PPP1R14C: variants seen among roughly 807,000 people sequenced by gnomAD.
PPP1R14C encodes the protein protein phosphatase 1 regulatory inhibitor subunit 14C, also known as protein phosphatase 1 regulatory subunit 14C.
PPP1R14C carries 16 observed loss-of-function variants against 20.4 expected under a neutral mutation model. The ratio of observed to expected loss-of-function variants is 0.78; its 90% CI spans 0.53 to 1.19. PPP1R14C has a LOEUF of 1.19. PPP1R14C is among the 50% of genes most tolerant of loss of function. The probability of loss-of-function intolerance (pLI) is 0.00; values close to 1 mark genes in which losing one functional copy is unlikely to be tolerated. For missense variants in PPP1R14C, 211 were observed against 220.1 expected (o/e 0.96, Z 0.26); for synonymous variants, 91 against 91.0 (o/e 1.00, Z 0.00).
chr6:150,224,226 C>A (rs932958218), intron 3 of PPP1R14C, among the ~76,000 whole-genome samples: 2 of 152,182 alleles, frequency 1.3e-5, no homozygotes, highest in African/African-American at 4.8e-5. Flanking sequence ...TTCACCAATA[C>A]CACACTGTCC....
At chr6:150,158,188 A>G (rs78415080) in intron 1 of PPP1R14C, among the ~76,000 whole-genome samples, 3,012 of 152,360 alleles carry the variant, frequency 0.02, 38 homozygotes, top group Non-Finnish European at 0.028. Flanking sequence ...CAGAATATTT[A>G]TGAAAGTATT....
intron 3 of PPP1R14C, among the ~76,000 whole-genome samples, chr6:150,236,409 G>A (rs1778360868): frequency 6.6e-6 from 1 of 152,306 alleles, no homozygotes; most frequent in Admixed American, 6.5e-5. Context: ...AAAGGTCCAT[G>A]CGGTGCATTC....
intron 1 of PPP1R14C, among the ~76,000 whole-genome samples, chr6:150,191,079 A>G (rs1163961801): frequency 1.3e-5 from 2 of 151,950 alleles, no homozygotes; most frequent in Non-Finnish European, 2.9e-5. Context: ...CTTGGTCCTC[A>G]CATGTTTTCT....
At chr6:150,217,035 T>C (rs1270711266) in intron 3 of PPP1R14C, among the ~76,000 whole-genome samples, 179 bp downstream of exon 3, 1 of 152,224 alleles carries the variant, frequency 6.6e-6, no homozygotes, top group Non-Finnish European at 1.5e-5. Flanking sequence ...AGCCTAAACA[T>C]GTCTAGTTCA....
rs1777133248 is a variant in PPP1R14C at position 150,143,118 on chromosome 6, G to A, written c.-75G>A. On this transcript the variant is annotated 5_prime_UTR_variant, in exon 1 of 4. Coordinates refer to ENST00000361131, the MANE Select transcript of PPP1R14C (RefSeq NM_030949.3). The surrounding 1 kb of genome is among the most constrained non-coding windows in gnomAD (Gnocchi z 5.6). Reference sequence around the variant, plus strand: ...GCCCTTCGCATGCGGCTGCCGGGCCGGAGGTGGTAGCGGCGCCGGGCGCGC... The same window carrying A: ...GCCCTTCGCATGCGGCTGCCGGGCCAGAGGTGGTAGCGGCGCCGGGCGCGC... 1 of 1,168,274 alleles carries A rather than the reference G, an allele frequency of 8.6e-7. No individual in the cohort carries two copies. The highest frequency in any genetic ancestry group is 1.1e-6 in the Non-Finnish European group (1 of 950,824). The allele number at this position is 1,168,274 out of a possible 1,614,324, so 72.4% of individuals were successfully genotyped here.
intron 3 of PPP1R14C, among the ~76,000 whole-genome samples, chr6:150,246,241 G>A (rs1778489883): frequency 1.3e-5 from 2 of 151,768 alleles, no homozygotes; most frequent in African/African-American, 4.8e-5. Context: ...TTAAAATAGT[G>A]CAGAAAAATT....
At chr6:150,146,013 TTCTG>T (rs1282621848) in intron 1 of PPP1R14C, among the ~76,000 whole-genome samples, 1 of 152,178 alleles carries the variant, frequency 6.6e-6, no homozygotes, top group Non-Finnish European at 1.5e-5. Context: ...CAGAACCACT[TTCTG>T]TCTGTGTTTT....
At chr6:150,199,774 C>G (rs1777853802) in intron 1 of PPP1R14C, among the ~76,000 whole-genome samples, 1 of 151,606 alleles carries the variant, frequency 6.6e-6, no homozygotes, top group South Asian at 2.1e-4. Flanking sequence ...TAGGTTGAGG[C>G]AGGAGGATCG....
intron 1 of PPP1R14C, among the ~76,000 whole-genome samples, chr6:150,200,458 T>C (rs910534): frequency 0.43 from 66,066 of 151,892 alleles, 14,491 homozygotes; most frequent in Admixed American, 0.47. Flanking sequence ...GACTTAGGTT[T>C]GTCCTCACCC....
At chr6:150,178,442 C>T (rs928167497) in intron 1 of PPP1R14C, among the ~76,000 whole-genome samples, 2 of 152,284 alleles carry the variant, frequency 1.3e-5, no homozygotes, top group Admixed American at 1.3e-4. Flanking sequence ...GAGAGGAGGG[C>T]GGTCACAGCA....
At chr6:150,154,599 GAGAAAT>G (rs1178498057) in intron 1 of PPP1R14C, among the ~76,000 whole-genome samples, 2 of 152,166 alleles carry the variant, frequency 1.3e-5, no homozygotes, top group African/African-American at 2.4e-5. Flanking sequence ...TTGAAAGCAG[GAGAAAT>G]AGAAGTGTCT....
Position 150,249,254 on chromosome 6 carries a change from A to G in PPP1R14C, c.*434A>G. The G allele has an allele frequency of 2.5e-6, 1 of 399,480 alleles. No individual in the cohort carries two copies. Among genetic ancestry groups the G allele is most frequent in the Non-Finnish European group, 4.4e-6 (1 of 226,570 alleles). The allele number at this position is 399,480 out of a possible 1,614,324, so 24.7% of individuals were successfully genotyped here. A position where few individuals can be genotyped will look rare whatever the true frequency, so the allele number is the denominator to read the frequency against. Reference sequence around the variant, plus strand: ...TGTCAAATTTCTCACACTTGTATATATCTACACACAACTAAGTTAAAATGT... The same window carrying G: ...TGTCAAATTTCTCACACTTGTATATGTCTACACACAACTAAGTTAAAATGT... On this transcript the variant is annotated 3_prime_UTR_variant, in exon 4 of 4. Coordinates refer to ENST00000361131, the MANE Select transcript of PPP1R14C (RefSeq NM_030949.3).
chr6:150,245,244 A>G (rs75747331), intron 3 of PPP1R14C, among the ~76,000 whole-genome samples: 4,436 of 152,238 alleles, frequency 0.029, 202 homozygotes, highest in African/African-American at 0.1. Flanking sequence ...CTCTAAGCCC[A>G]TGGCATCTCT....
intron 1 of PPP1R14C, among the ~76,000 whole-genome samples, chr6:150,184,296 T>G (rs575041486): frequency 6.6e-6 from 1 of 152,280 alleles, no homozygotes; most frequent in East Asian, 1.9e-4. Flanking sequence ...CCACCTCCTC[T>G]TGCTCCTAGG....
Position 150,156,049 on chromosome 6 carries a change from AAAAG to A in PPP1R14C, c.306+12563_306+12566del, listed in dbSNP as rs1372007665. 1.6e-3 allele frequency among the ~76,000 whole-genome samples: 232 copies of A among 149,604 alleles called. 2 individuals carry two copies. The highest frequency in any genetic ancestry group is 5.2e-3 in the African/African-American group (210 of 40,440). ...CAAAAAAAAAAAAAAAAAAAAAAAAAAAAGAAAGAAAGAAAAAGAAAAATTCAAA... is the reference window on the plus strand; with the variant it reads ...CAAAAAAAAAAAAAAAAAAAAAAAAAAAAGAAAGAAAAAGAAAAATTCAAA... On this transcript the variant is annotated intron_variant, in intron 1 of 3. Transcript: ENST00000361131.
intron 1 of PPP1R14C, chr6:150,195,881 A>G (rs934241107): frequency 1.0e-6 from 1 of 985,278 alleles, no homozygotes; most frequent in African/African-American, 1.7e-5. Context: ...GGAAACTCCC[A>G]GTTCTAAGGC....
chr6:150,228,550 C>T (rs1057064180), intron 3 of PPP1R14C, among the ~76,000 whole-genome samples: 5 of 152,142 alleles, frequency 3.3e-5, no homozygotes, highest in African/African-American at 1.2e-4. Context: ...CCTGGGAGTC[C>T]AGAGTTTTTA....
intron 1 of PPP1R14C, chr6:150,164,645 C>T: frequency 5.3e-6 from 1 of 190,078 alleles, no homozygotes. Context: ...AATGTGCCAG[C>T]CTTGAACCTT....
intron 1 of PPP1R14C, among the ~76,000 whole-genome samples, chr6:150,178,861 G>A (rs1777590888): frequency 6.6e-6 from 1 of 152,204 alleles, no homozygotes; most frequent in Non-Finnish European, 1.5e-5. Context: ...TGCAGAGGAG[G>A]AAATAAACAG....
Sources: gnomAD v4.1 joint callset for allele counts (sites outside exome capture counted in the v4.1 genomes callset) on GRCh38, gnomAD v4.1.1 for gene constraint, Gnocchi (gnomAD v3.1) non-coding constraint, MANE v1.5 for transcripts, NCBI Gene and HGNC (gene_info 2026-07-23, HGNC 2026-07-21) for gene names.